The following ARIH1 variants were observed in gnomAD, a reference collection of about 807,000 sequenced individuals.
The protein encoded by ARIH1 is E3 ubiquitin-protein ligase ARIH1.
A neutral mutation model predicts 85.0 loss-of-function variants in ARIH1; 8 were observed. That is an observed-to-expected ratio of 0.09 (90% CI 0.06 to 0.17). ARIH1 has a LOEUF of 0.17. Ranked by LOEUF, ARIH1 falls within the 10% of genes least tolerant of loss-of-function variation. The pLI, the probability that ARIH1 is intolerant of heterozygous loss-of-function variation, is 1.00. For missense variants in ARIH1, 311 were observed against 718.1 expected (o/e 0.43, Z 6.48); for synonymous variants, 238 against 253.6 (o/e 0.94, Z 0.59).
rs996285754 is a variant in ARIH1, at chr15:72,587,635, T to C, written c.*4343T>C. 2 of 153,742 alleles carry C rather than the reference T, an allele frequency of 1.3e-5. No individual in the cohort carries two copies. Among genetic ancestry groups the C allele is most frequent in the Admixed American group, 6.5e-5 (1 of 15,292 alleles). The allele number at this position is 153,742 out of a possible 1,614,324, so 9.5% of individuals were successfully genotyped here. On this transcript the variant is annotated 3_prime_UTR_variant, in exon 14 of 14. Coordinates refer to ENST00000379887, the MANE Select transcript of ARIH1 (RefSeq NM_005744.5). Reference sequence around the variant, plus strand: ...AGCAGTGAGTTTTATGAGAAAATTTTGGCTCCTTCAGAAACAGGAAGATAA... The same window carrying C: ...AGCAGTGAGTTTTATGAGAAAATTTCGGCTCCTTCAGAAACAGGAAGATAA...
At chr15:72,487,983 C>CA (rs1331164772) in intron 1 of ARIH1, among the ~76,000 whole-genome samples, 1 of 152,100 alleles carries the variant, frequency 6.6e-6, no homozygotes, top group Non-Finnish European at 1.5e-5. Context: ...TTTGTGTTTT[C>CA]ATGCTTTTGT....
chr15:72,527,208 A>C (rs2064033498), intron 2 of ARIH1, among the ~76,000 whole-genome samples: 1 of 152,246 alleles, frequency 6.6e-6, no homozygotes, highest in African/African-American at 2.4e-5. Context: ...AAGGTTGTGC[A>C]GTCAGGAAAA....
chr15:72,479,982 C>T (rs770929607), intron 1 of ARIH1, among the ~76,000 whole-genome samples: 4 of 151,778 alleles, frequency 2.6e-5, no homozygotes, highest in Admixed American at 1.3e-4. Flanking sequence ...ATTCTTCTGC[C>T]TCAGCCTCCC....
intron 11 of ARIH1, 55 bp from the exon 12 acceptor site, chr15:72,580,676 T>TTATG: frequency 6.7e-7 from 1 of 1,501,066 alleles, no homozygotes. Context: ...TAATCAGCTT[T>TTATG]TATGTACAGT....
intron 3 of ARIH1, among the ~76,000 whole-genome samples, chr15:72,551,503 TTAGTG>T (rs2064152737): frequency 6.6e-6 from 1 of 152,186 alleles, no homozygotes; most frequent in Non-Finnish European, 1.5e-5. Flanking sequence ...TAAGGAGAAT[TTAGTG>T]TATTATAGAG....
intron 1 of ARIH1, among the ~76,000 whole-genome samples, chr15:72,514,014 A>G (rs1206174477): frequency 6.7e-6 from 1 of 150,156 alleles, no homozygotes; most frequent in Non-Finnish European, 1.5e-5. Context: ...AATTTTTTGT[A>G]GTTTTTGTAG....
chr15:72,521,731 TAG>T (rs1180385200), intron 2 of ARIH1, among the ~76,000 whole-genome samples: 3 of 152,036 alleles, frequency 2.0e-5, no homozygotes, highest in Admixed American at 6.6e-5. Flanking sequence ...GTATTTTTAG[TAG>T]AGAGAGGGTT....
intron 3 of ARIH1, among the ~76,000 whole-genome samples, chr15:72,548,404 AG>A (rs2064138687): frequency 6.6e-6 from 1 of 152,184 alleles, no homozygotes; most frequent in African/African-American, 2.4e-5. Flanking sequence ...TGAAGGAGTG[AG>A]GTAGGATGGG....
chr15:72,580,875 G>A lies in ARIH1; in HGVS notation c.1360G>A (p.Glu454Lys). Residue 454 changes from glutamate to lysine, a missense_variant, in exon 12 of 14, where the codon GAG becomes AAG. By Grantham distance (56) the Glu-to-Lys change is moderately conservative. Transcript: ENST00000379887. ...GCAGCAGCACAACATGTCCTGGATT[G>A]AGGTGCAGTTCCTGAAGAAGGCAGT... Reference protein sequence around the residue: ...EMQQHNMSWIEVQFLKKAVDV... With the variant: ...EMQQHNMSWIKVQFLKKAVDV... The A allele has an allele frequency of 6.2e-7, 1 of 1,614,156 alleles. No homozygotes were observed. Among genetic ancestry groups the A allele is most frequent in the Non-Finnish European group, 8.5e-7 (1 of 1,180,010 alleles).
intron 2 of ARIH1, among the ~76,000 whole-genome samples, chr15:72,537,102 G>C (rs1215060194): frequency 1.3e-5 from 2 of 151,600 alleles, no homozygotes; most frequent in Non-Finnish European, 2.9e-5. Context: ...TTTTGTTGTT[G>C]TTGTTGTTGT....
chr15:72,508,551 C>A (rs768189508), intron 1 of ARIH1, among the ~76,000 whole-genome samples: 12 of 152,184 alleles, frequency 7.9e-5, no homozygotes, highest in Non-Finnish European at 1.5e-4. Flanking sequence ...AAATGTAAAT[C>A]ATATCTAACT....
At chr15:72,555,426 C>A in intron 4 of ARIH1, 63 bp downstream of exon 4, 1 of 1,129,638 alleles carries the variant, frequency 8.9e-7, no homozygotes, top group South Asian at 1.4e-5. Context: ...GACCCTTGCA[C>A]AAATTTGCAC....
rs554620534 is a variant in ARIH1, at chr15:72,565,346, C to T, written c.912-1217C>T. Among the ~76,000 whole-genome samples, 17 of 152,270 alleles carry T rather than the reference C, an allele frequency of 1.1e-4. No individual in the cohort carries two copies. In the South Asian group the frequency reaches 3.5e-3, roughly 32 times the overall value. ...CTCAAGTAATCCACCTGCCTCGGCCCTCCCTAAGTGCTGGGATTACAGGTG... is the reference window on the plus strand; with the variant it reads ...CTCAAGTAATCCACCTGCCTCGGCCTTCCCTAAGTGCTGGGATTACAGGTG... On this transcript the variant is annotated intron_variant, in intron 7 of 13. Transcript: ENST00000379887.
chr15:72,578,382 T>C lies in ARIH1; in HGVS notation c.1216-2349T>C, dbSNP rs114753864. On this transcript the variant is annotated intron_variant, in intron 11 of 13. Transcript: ENST00000379887. ...CTGTGGGGGTTCTCTTCGATAGCAT[T>C]GACAGTCCCTTCCAGAGTACCGTGT... 4.4e-3 allele frequency among the ~76,000 whole-genome samples: 667 copies of C among 152,286 alleles called. 6 individuals are homozygous for C. Among genetic ancestry groups the C allele is most frequent in the African/African-American group, 0.015 (642 of 41,552 alleles).
chr15:72,494,900 A>G (rs1484842978), intron 1 of ARIH1, among the ~76,000 whole-genome samples: 1 of 151,864 alleles, frequency 6.6e-6, no homozygotes, highest in Non-Finnish European at 1.5e-5. Context: ...TTTGCCTTTT[A>G]CCAGCTCTGT....
intron 1 of ARIH1, among the ~76,000 whole-genome samples, chr15:72,490,871 A>G (rs2140396225): frequency 6.6e-6 from 1 of 152,310 alleles, no homozygotes; most frequent in East Asian, 1.9e-4. Context: ...TAATCCCTGC[A>G]CTTTGGGAGG....
chr15:72,505,431 ATTTTT>A (rs986552433), intron 1 of ARIH1, among the ~76,000 whole-genome samples: 5 of 151,934 alleles, frequency 3.3e-5, no homozygotes, highest in Admixed American at 1.3e-4. Context: ...AACCTTCCAT[ATTTTT>A]TTAATGGCTG....
chr15:72,584,697 T>G lies in ARIH1; in HGVS notation c.*1405T>G, dbSNP rs2064308713. On this transcript the variant is annotated 3_prime_UTR_variant, in exon 14 of 14. Coordinates refer to ENST00000379887, the MANE Select transcript of ARIH1 (RefSeq NM_005744.5). ...ATCACTGAGTTTGCTGCTTTTTTAT[T>G]GTCAGCAGATAGGAGAATTAATAAT... 1.3e-5 allele frequency: 2 copies of G among 152,114 alleles called. No homozygotes were observed. The highest frequency in any genetic ancestry group is 2.1e-4 in the South Asian group (1 of 4,828). The allele number at this position is 152,114 out of a possible 1,614,324, so 9.4% of individuals were successfully genotyped here.
At chr15:72,569,707 GTATATT>G (rs1367828335) in intron 9 of ARIH1, among the ~76,000 whole-genome samples, 1 of 152,196 alleles carries the variant, frequency 6.6e-6, no homozygotes, top group Non-Finnish European at 1.5e-5. Context: ...AGAGAGTATA[GTATATT>G]TATATGAATA....
Sources: allele counts gnomAD v4.1 joint callset (sites outside exome capture counted in the v4.1 genomes callset), GRCh38; gene constraint gnomAD v4.1.1; transcripts MANE v1.5; gene names NCBI Gene and HGNC (gene_info 2026-07-23, HGNC 2026-07-21).